The following NRG1 variants were observed in gnomAD, a reference collection of about 807,000 sequenced individuals.
The protein encoded by NRG1 is pro-neuregulin-1, membrane-bound isoform.
NRG1 carries 18 observed loss-of-function variants against 63.8 expected under a neutral mutation model. That is an observed-to-expected ratio of 0.28 (90% CI 0.19 to 0.42). The LOEUF is 0.42. NRG1 is among the 10% of genes least tolerant of loss of function. The pLI is 1.00. For missense variants in NRG1, 762 were observed against 814.7 expected, an observed-to-expected ratio of 0.94 and a Z score of 0.79; for synonymous variants, 302 against 301.3, an observed-to-expected ratio of 1.00 and a Z score of -0.02.
intron 1 of NRG1, among the ~76,000 whole-genome samples, chr8:32,238,882 G>A (rs1404727191): frequency 2.6e-5 from 4 of 152,196 alleles, no homozygotes. Flanking sequence ...GGCTGAGGAT[G>A]TGCCTGAATT....
At chr8:32,754,860 C>T (rs1829393979) in intron 8 of NRG1, among the ~76,000 whole-genome samples, 1 of 152,074 alleles carries the variant, frequency 6.6e-6, no homozygotes, top group Non-Finnish European at 1.5e-5. Flanking sequence ...AAGAAACTAA[C>T]TTGCACCTAG....
intron 1 of NRG1, among the ~76,000 whole-genome samples, chr8:32,219,808 A>G (rs1845622593): frequency 6.6e-6 from 1 of 152,196 alleles, no homozygotes; most frequent in Non-Finnish European, 1.5e-5. Flanking sequence ...AGTCAAAGCC[A>G]TGTCTAAAAC....
intron 1 of NRG1, among the ~76,000 whole-genome samples, chr8:32,204,066 A>G (rs1843768247): frequency 6.6e-6 from 1 of 152,228 alleles, no homozygotes; most frequent in African/African-American, 2.4e-5. Context: ...CCTACATAGA[A>G]GATCATGCCA....
At chr8:32,051,154 CA>C (rs1821915550) in intron 1 of NRG1, among the ~76,000 whole-genome samples, 1 of 151,996 alleles carries the variant, frequency 6.6e-6, no homozygotes, top group Admixed American at 6.6e-5. Flanking sequence ...ATTTGTTTCT[CA>C]TTTTTTTTAA....
intron 1 of NRG1, among the ~76,000 whole-genome samples, chr8:32,052,134 A>C (rs1822072924): frequency 6.6e-6 from 1 of 152,168 alleles, no homozygotes; most frequent in Non-Finnish European, 1.5e-5. Context: ...GTAGTAAGAT[A>C]CAAATAGGTC....
intron 5 of NRG1, among the ~76,000 whole-genome samples, chr8:32,668,891 A>G (rs912161672): frequency 6.6e-6 from 1 of 152,024 alleles, no homozygotes; most frequent in African/African-American, 2.4e-5. Context: ...CTTTTCTTTT[A>G]CTCTATCATT....
In NRG1 at chr8:32,631,458, G is replaced by A. The variant is rs79219044; in HGVS notation, c.502+14573G>A. Among the ~76,000 whole-genome samples, 374 of 152,230 alleles carry A rather than the reference G, an allele frequency of 2.5e-3. 17 individuals carry two copies. The East Asian group carries it at 0.066, about 27-fold the overall frequency. Reference sequence around the variant, plus strand: ...ATAGCTTAGAGCCTACTGCTGCTGGGGTAAGCGACACAGCCGAACTTTCTA... The same window carrying A: ...ATAGCTTAGAGCCTACTGCTGCTGGAGTAAGCGACACAGCCGAACTTTCTA... On this transcript the variant is annotated intron_variant, in intron 5 of 11. Transcript: ENST00000356819.
intron 1 of NRG1, among the ~76,000 whole-genome samples, chr8:31,859,008 A>G (rs767730257): frequency 2.5e-4 from 38 of 152,190 alleles, no homozygotes; most frequent in Non-Finnish European, 4.4e-4. Flanking sequence ...ATAGATTTTT[A>G]TGCTACAGAA....
At chr8:32,607,385 T>A (rs555013411) in intron 3 of NRG1, among the ~76,000 whole-genome samples, 23 of 152,256 alleles carry the variant, frequency 1.5e-4, no homozygotes, top group African/African-American at 5.3e-4. Flanking sequence ...TATTCAATTG[T>A]GATTTTTGAC....
intron 1 of NRG1, among the ~76,000 whole-genome samples, chr8:32,081,043 T>C (rs943052020): frequency 6.6e-6 from 1 of 152,118 alleles, no homozygotes; most frequent in Non-Finnish European, 1.5e-5. Flanking sequence ...ACTCACCTTA[T>C]GGAGGACAAT....
Position 32,096,578 on chromosome 8 carries a change from A to T in NRG1, c.37+457147A>T, listed in dbSNP as rs192591519. ...GTTTGTGATGTCTGGAAAAATTCAAAATTGGGCATCTGTATTTGGTGAAGG... is the reference window on the plus strand; with the variant it reads ...GTTTGTGATGTCTGGAAAAATTCAATATTGGGCATCTGTATTTGGTGAAGG... On this transcript the variant is annotated intron_variant, in intron 1 of 10. Transcript: ENST00000519301. 7.4e-4 allele frequency among the ~76,000 whole-genome samples: 113 copies of T among 152,330 alleles called. 2 individuals carry two copies. Among genetic ancestry groups the T allele is most frequent in the African/African-American group, 2.6e-3 (107 of 41,586 alleles).
rs370043546 is a variant in NRG1, at chr8:31,804,548, C to G, written c.37+165117C>G. 2.8e-4 allele frequency among the ~76,000 whole-genome samples: 43 copies of G among 152,220 alleles called. 1 individual carries two copies. Among genetic ancestry groups the G allele is most frequent in the African/African-American group, 1.0e-3 (43 of 41,532 alleles). On this transcript the variant is annotated intron_variant, in intron 1 of 10. Coordinates refer to the NRG1 transcript ENST00000519301. ...CACAGAACCTATAATATATTAGAAC[C>G]TGTTATATATCTCTCTAGAAAAAAC...
chr8:32,559,013 A>C (rs749623471), intron 1 of NRG1, among the ~76,000 whole-genome samples: 22 of 138,228 alleles, frequency 1.6e-4, no homozygotes, highest in Middle Eastern at 3.7e-3. Context: ...CAGGAGGTTG[A>C]GGCTGTGGTG....
chr8:32,523,847 T>C (rs180699770), intron 1 of NRG1, among the ~76,000 whole-genome samples: 231 of 150,234 alleles, frequency 1.5e-3, no homozygotes, highest in Non-Finnish European at 2.8e-3. Flanking sequence ...TGTCTCTGAA[T>C]AACTAACTAA....
At chr8:32,747,583 C>T (rs1043944595) in intron 7 of NRG1, among the ~76,000 whole-genome samples, 4 of 151,710 alleles carry the variant, frequency 2.6e-5, no homozygotes, top group African/African-American at 9.7e-5. Context: ...AACTAAATCC[C>T]CTAGCTTTTA....
chr8:32,619,259 T>G (rs1226164788), intron 5 of NRG1, among the ~76,000 whole-genome samples: 1 of 152,060 alleles, frequency 6.6e-6, no homozygotes, highest in Non-Finnish European at 1.5e-5. Flanking sequence ...CTGGGGAAAC[T>G]GTATTTAGGC....
chr8:32,470,462 C>T (rs1218805666), intron 1 of NRG1, among the ~76,000 whole-genome samples: 1 of 152,110 alleles, frequency 6.6e-6, no homozygotes, highest in Non-Finnish European at 1.5e-5. Flanking sequence ...CCTCAGCCTT[C>T]CAAAGTACTG....
intron 1 of NRG1, among the ~76,000 whole-genome samples, chr8:31,686,535 C>T (rs1183032010): frequency 1.3e-5 from 2 of 152,038 alleles, no homozygotes; most frequent in Admixed American, 6.6e-5. Context: ...TGGAAACATA[C>T]CATTTTGATG....
chr8:31,852,991 C>T (rs1017305450), intron 1 of NRG1, among the ~76,000 whole-genome samples: 32 of 151,978 alleles, frequency 2.1e-4, no homozygotes, highest in Non-Finnish European at 1.5e-4. Context: ...GGTACCAGTA[C>T]CATGCTGTTT....
Sources: allele counts gnomAD v4.1 joint callset (sites outside exome capture counted in the v4.1 genomes callset), GRCh38; gene constraint gnomAD v4.1.1; transcripts MANE v1.5; gene names NCBI Gene and HGNC (gene_info 2026-07-23, HGNC 2026-07-21).